The following NFASC variants were observed in gnomAD, a reference collection of about 807,000 sequenced individuals.
NFASC encodes the protein neurofascin homolog.
In NFASC, 43 loss-of-function variants were observed where a neutral mutation model predicts 147.5. The observed-to-expected ratio is 0.29, with a 90% CI of 0.23 to 0.38. The LOEUF is 0.38. Among genes scored for constraint, NFASC ranks in the 10% least tolerant of loss-of-function variants. NFASC has a pLI of 1.00. For synonymous variants in NFASC, 622 were observed against 665.5 expected (o/e 0.93, Z 1.01); for missense variants, 1,320 against 1,689.0 (o/e 0.78, Z 3.83).
At chr1:205,009,736 T>C (rs756303709) in intron 28 of NFASC, 48 bp downstream of exon 28, 3 of 1,587,056 alleles carry the variant, frequency 1.9e-6, no homozygotes, top group Non-Finnish European at 2.6e-6. Context: ...CACGTCCACT[T>C]TCCCGTGAGT....
At chr1:204,951,976 G>A in intron 4 of NFASC, 35 bp from the exon 5 acceptor site, 1 of 1,583,136 alleles carries the variant, frequency 6.3e-7, no homozygotes, top group Non-Finnish European at 8.7e-7. Flanking sequence ...GGAGGTCCCT[G>A]CAGCCCTGAC....
At chr1:205,002,897 T>A in intron 27 of NFASC, 149 bp downstream of exon 27, 1 of 584,622 alleles carries the variant, frequency 1.7e-6, no homozygotes, top group Non-Finnish European at 2.6e-6. Context: ...TCTTATTATG[T>A]ATCAGCTGAA....
chr1:204,863,123 C>T (rs1299446957), intron 1 of NFASC, among the ~76,000 whole-genome samples: 2 of 152,202 alleles, frequency 1.3e-5, no homozygotes, highest in African/African-American at 4.8e-5. Context: ...CAGAGGTACA[C>T]TGGAGACTGG....
In NFASC at chr1:205,002,759, A is replaced by G; in HGVS notation, c.3289+11A>G. The G allele has an allele frequency of 6.9e-7, 1 of 1,441,130 alleles. No individual in the cohort carries two copies. Among genetic ancestry groups the G allele is most frequent in the Non-Finnish European group, 9.3e-7 (1 of 1,077,346 alleles). 89.3% of individuals were successfully genotyped at this position (1,441,130 alleles called of 1,614,324 possible). A position where few individuals can be genotyped will look rare whatever the true frequency, so the allele number is the denominator to read the frequency against. ...TTATGACCAGTACAGGTGAGAGGGGACCTGGCCTGGCCATCCCCTGCAAGC... is the reference window on the plus strand; with the variant it reads ...TTATGACCAGTACAGGTGAGAGGGGGCCTGGCCTGGCCATCCCCTGCAAGC... On this transcript the variant is annotated intron_variant, in intron 27 of 29. Coordinates refer to ENST00000339876, the MANE Select transcript of NFASC (RefSeq NM_001005388.3).
chr1:204,968,184 C>T lies in NFASC; in HGVS notation c.707-65C>T, dbSNP rs890548524. The T allele has an allele frequency of 1.7e-5, 20 of 1,158,924 alleles. No homozygotes were observed. The highest frequency in any genetic ancestry group is 1.2e-4 in the African/African-American group (8 of 66,204). The allele number at this position is 1,158,924 out of a possible 1,614,324, so 71.8% of individuals were successfully genotyped here. On this transcript the variant is annotated intron_variant, in intron 8 of 29. Coordinates refer to ENST00000339876, the MANE Select transcript of NFASC (RefSeq NM_001005388.3). This position sits in a 1 kb window ranked among gnomAD's most constrained non-coding sequence, Gnocchi z 5.4. The stretch of plus-strand genomic sequence containing the variant: ...ATGCCACTTCTCTCTAGCCTGACAG[C>T]GTTGGCCTAGTGGGGTCTGCCTTCT...
intron 16 of NFASC, 151 bp from the exon 17 acceptor site, chr1:204,977,530 G>A (rs2095431313): frequency 3.4e-6 from 2 of 594,714 alleles, no homozygotes; most frequent in South Asian, 2.7e-5. Context: ...TAAGGGTAGG[G>A]GATTCCCCAT....
chr1:204,959,391 C>G (rs893290577), intron 8 of NFASC, among the ~76,000 whole-genome samples: 1 of 152,192 alleles, frequency 6.6e-6, no homozygotes, highest in African/African-American at 2.4e-5. Flanking sequence ...AGGGAGACCC[C>G]TTGGAGGAGA....
At chr1:204,884,193 A>T (rs2080879732) in intron 1 of NFASC, among the ~76,000 whole-genome samples, 1 of 151,972 alleles carries the variant, frequency 6.6e-6, no homozygotes, top group Non-Finnish European at 1.5e-5. Context: ...GTGTGTGTGG[A>T]AGGACTGTGA....
At chr1:204,902,091 C>G (rs1433670747) in intron 1 of NFASC, among the ~76,000 whole-genome samples, 1 of 152,108 alleles carries the variant, frequency 6.6e-6, no homozygotes. Flanking sequence ...CCTAGGAATT[C>G]GAGACCAGCC....
intron 1 of NFASC, among the ~76,000 whole-genome samples, chr1:204,845,892 C>T (rs919287213): frequency 1.3e-5 from 2 of 151,770 alleles, no homozygotes; most frequent in African/African-American, 4.8e-5. Context: ...TAGGCTGAGA[C>T]CTCTGACTCT....
At chr1:204,890,558 G>A (rs2082176991) in intron 1 of NFASC, among the ~76,000 whole-genome samples, 1 of 150,378 alleles carries the variant, frequency 6.6e-6, no homozygotes, top group South Asian at 2.1e-4. Context: ...TGGAAAGCAG[G>A]GAGGCACTTT....
In NFASC at chr1:204,954,867, G is replaced by A. The variant is rs768892415; in HGVS notation, c.451G>A (p.Val151Met). ...LWPKENLDPV[V>M]VQEGAPLTLQ... The stretch of plus-strand genomic sequence containing the variant: ...GCCCAAGGAAAACCTAGACCCTGTC[G>A]TGGTCCAAGAGGGCGCTCCTTTGAC... The change falls in exon 7 of 30, where the codon GTG becomes ATG. Residue 151 changes from valine to methionine, a missense_variant. Physicochemically the swap from Val to Met is conservative, Grantham distance 21. Transcript: ENST00000339876. The surrounding 1 kb of genome is among the most constrained non-coding windows in gnomAD (Gnocchi z 5.7). 46 of 1,614,036 alleles carry A rather than the reference G, an allele frequency of 2.9e-5. No individual in the cohort carries two copies. The highest frequency in any genetic ancestry group is 3.3e-5 in the Non-Finnish European group (39 of 1,180,020).
intron 5 of NFASC, among the ~76,000 whole-genome samples, chr1:204,952,671 C>T (rs1485185253): frequency 6.6e-6 from 1 of 152,210 alleles, no homozygotes; most frequent in Non-Finnish European, 1.5e-5. Flanking sequence ...GGTTACCCAG[C>T]TTGAAAGGGG....
At chr1:204,974,425 C>A (rs1315947092) in intron 13 of NFASC, 135 bp downstream of exon 13, 6 of 809,918 alleles carry the variant, frequency 7.4e-6, no homozygotes, top group Non-Finnish European at 6.1e-6. Flanking sequence ...GTTAGCAGAT[C>A]ATCTGGATCA....
intron 1 of NFASC, among the ~76,000 whole-genome samples, chr1:204,860,854 A>G (rs1173837311): frequency 6.6e-6 from 1 of 152,064 alleles, no homozygotes; most frequent in Non-Finnish European, 1.5e-5. Context: ...CCTTTTGTGG[A>G]CTTAGTATCA....
At chr1:204,877,009 TA>T (rs1324014285) in intron 1 of NFASC, among the ~76,000 whole-genome samples, 1 of 111,114 alleles carries the variant, frequency 9.0e-6, no homozygotes, top group African/African-American at 4.1e-5. Flanking sequence ...TATATATATA[TA>T]TATATATATA....
In NFASC at chr1:204,987,073, CTA is replaced by C. The variant is rs2095630333; in HGVS notation, c.2471-344_2471-343del. ...GTACAAAACAGCTGTAAGTGGTTCT[CTA>C]CCTAGGAATGGCTCTGCCCAATTTC... On this transcript the variant is annotated intron_variant, in intron 21 of 29. Transcript: ENST00000339876. The surrounding 1 kb of genome is among the most constrained non-coding windows in gnomAD (Gnocchi z 4.4). 2 of 309,134 alleles carry C rather than the reference CTA, an allele frequency of 6.5e-6. No individual in the cohort carries two copies. Among genetic ancestry groups the C allele is most frequent in the East Asian group, 7.3e-5 (1 of 13,642 alleles). The allele number at this position is 309,134 out of a possible 1,614,324, so 19.1% of individuals were successfully genotyped here. A position where few individuals can be genotyped will look rare whatever the true frequency, so the allele number is the denominator to read the frequency against.
At chr1:204,959,808 T>TA (rs1280321353) in intron 8 of NFASC, among the ~76,000 whole-genome samples, 1 of 152,244 alleles carries the variant, frequency 6.6e-6, no homozygotes, top group African/African-American at 2.4e-5. Context: ...GTTAGAGATT[T>TA]AAACAACATG....
Position 204,957,808 on chromosome 1 carries a change from A to G in NFASC, c.688A>G (p.Thr230Ala). The change falls in exon 8 of 30, where the codon ACC becomes GCC. Residue 230 changes from threonine to alanine, a missense_variant. Around this residue, in one of 3 missense-constraint regions of NFASC, gnomAD observed 981 missense variants for 1,289.5 expected, o/e 0.76. Coordinates refer to ENST00000339876, the MANE Select transcript of NFASC (RefSeq NM_001005388.3). ...CACCATCCAGCAGAAGAACCCTTTCACCCTCAAGGTCCTCACCAGTAAGTG... is the reference window on the plus strand; with the variant it reads ...CACCATCCAGCAGAAGAACCCTTTCGCCCTCAAGGTCCTCACCAGTAAGTG... ...THTIQQKNPF[T>A]LKVLTTRGVA... 1.2e-6 allele frequency: 2 copies of G among 1,614,026 alleles called. No individual in the cohort carries two copies. Among genetic ancestry groups the G allele is most frequent in the Non-Finnish European group, 1.7e-6 (2 of 1,179,998 alleles).
Sources: gnomAD v4.1 joint callset for allele counts (sites outside exome capture counted in the v4.1 genomes callset) on GRCh38, gnomAD v4.1.1 for gene constraint, gnomAD v4.1.1 regional missense constraint, Gnocchi (gnomAD v3.1) non-coding constraint, MANE v1.5 for transcripts, NCBI Gene and HGNC (gene_info 2026-07-23, HGNC 2026-07-21) for gene names.